Variants in SEMA4D observed in about 807,000 individuals in gnomAD.
SEMA4D encodes semaphorin-4D.
Under a neutral mutation model 74.8 loss-of-function variants are expected in SEMA4D, and 22 were observed. The ratio of observed to expected loss-of-function variants is 0.29; its 90% CI spans 0.21 to 0.42. The LOEUF is 0.42. SEMA4D is among the 10% of genes least tolerant of loss of function. The probability of loss-of-function intolerance (pLI) is 1.00; values close to 1 mark genes in which losing one functional copy is unlikely to be tolerated. For synonymous variants in SEMA4D, 445 were observed against 463.7 expected (o/e 0.96, Z 0.52); for missense variants, 937 against 1,118.4 (o/e 0.84, Z 2.31).
At chr9:89,442,572 C>CCT (rs1851906377) in intron 2 of SEMA4D, among the ~76,000 whole-genome samples, 1 of 152,128 alleles carries the variant, frequency 6.6e-6, no homozygotes, top group Admixed American at 6.5e-5. Context: ...TGGCCGGGGT[C>CCT]CTCTTCCTCT....
intron 1 of SEMA4D, among the ~76,000 whole-genome samples, chr9:89,487,275 A>G (rs1405148421): frequency 1.3e-5 from 2 of 151,978 alleles, no homozygotes; most frequent in Non-Finnish European, 2.9e-5. Flanking sequence ...TTTACAAACA[A>G]AAAATGAAAA....
At chr9:89,371,975 T>G (rs201513024) in intron 16 of SEMA4D, among the ~76,000 whole-genome samples, 278 of 2,484 alleles carry the variant, frequency 0.11, no homozygotes, top group African/African-American at 0.14. Context: ...TGGGGTGTGG[T>G]GTGTGTCTGG....
intron 2 of SEMA4D, among the ~76,000 whole-genome samples, chr9:89,415,834 A>G (rs9410479): frequency 0.33 from 50,424 of 152,128 alleles, 8,665 homozygotes; most frequent in Middle Eastern, 0.49. Context: ...GAACCCAGCC[A>G]GCAGAGATGC....
chr9:89,380,173 C>G (rs1836705520), intron 15 of SEMA4D, among the ~76,000 whole-genome samples: 1 of 152,034 alleles, frequency 6.6e-6, no homozygotes, highest in Admixed American at 6.5e-5. Context: ...GCTGGGACTA[C>G]AGGTGACCAC....
intron 12 of SEMA4D, 45 bp from the exon 13 acceptor site, chr9:89,386,527 G>A (rs1324590837): frequency 7.4e-7 from 1 of 1,358,710 alleles, no homozygotes. Context: ...CCCAGACACA[G>A]AAACCAAGGA....
intron 18 of SEMA4D, among the ~76,000 whole-genome samples, chr9:89,363,102 C>T (rs996072207): frequency 2.6e-5 from 4 of 152,144 alleles, no homozygotes; most frequent in Non-Finnish European, 5.9e-5. Flanking sequence ...AAAGGAGTGG[C>T]TGGCTGAGTG....
chr9:89,453,520 C>T (rs1221392246), intron 2 of SEMA4D, among the ~76,000 whole-genome samples: 2 of 152,358 alleles, frequency 1.3e-5, no homozygotes, highest in East Asian at 1.9e-4. Flanking sequence ...TGCTGGAAGG[C>T]GATGGCCCCC....
chr9:89,412,916 A>C (rs1467617790), intron 2 of SEMA4D, among the ~76,000 whole-genome samples: 1 of 152,188 alleles, frequency 6.6e-6, no homozygotes, highest in Non-Finnish European at 1.5e-5. Context: ...CAACTCACAC[A>C]GATCTGCCGG....
At chr9:89,480,345 G>C (rs1292008361) in intron 1 of SEMA4D, among the ~76,000 whole-genome samples, 3 of 152,286 alleles carry the variant, frequency 2.0e-5, no homozygotes, top group Non-Finnish European at 4.4e-5. Context: ...CAGGAGCCCA[G>C]CTGGTTTCAC....
At chr9:89,377,195 G>A (rs868794283), downstream of SEMA4D, 112 of 1,302,644 alleles carry the variant, frequency 8.6e-5, 2 homozygotes, top group Middle Eastern at 1.9e-3. Context: ...TGCAGGGGCG[G>A]GAGGCTGCAC....
intron 13 of SEMA4D, chr9:89,384,811 C>T (rs1049897095): frequency 2.8e-5 from 28 of 985,340 alleles, no homozygotes; most frequent in African/African-American, 1.4e-4. Flanking sequence ...TGGGGTCAGG[C>T]GGCACAGTCT....
downstream of SEMA4D, among the ~76,000 whole-genome samples, chr9:89,373,924 C>T (rs148900704): frequency 6.9e-3 from 1,045 of 152,346 alleles, 9 homozygotes; most frequent in African/African-American, 0.024. Context: ...CAGACCCCAA[C>T]AGAACCCTGG....
chr9:89,446,995 A>G (rs1853060280), intron 2 of SEMA4D, among the ~76,000 whole-genome samples: 1 of 152,080 alleles, frequency 6.6e-6, no homozygotes, highest in Admixed American at 6.5e-5. Context: ...AAATCCTGCC[A>G]TGTGTCCTAT....
chr9:89,429,453 C>A (rs528521547), intron 2 of SEMA4D, among the ~76,000 whole-genome samples: 1 of 152,272 alleles, frequency 6.6e-6, no homozygotes, highest in Non-Finnish European at 1.5e-5. Flanking sequence ...TTCCGGAAGT[C>A]ATATCAGTGT....
At chr9:89,391,666 T>G (rs1404739396) in intron 8 of SEMA4D, among the ~76,000 whole-genome samples, 2 of 152,216 alleles carry the variant, frequency 1.3e-5, no homozygotes, top group Non-Finnish European at 2.9e-5. Flanking sequence ...GGTTCTGCAG[T>G]GCATCCCACC....
At chr9:89,458,530 A>T (rs1354999135) in intron 1 of SEMA4D, among the ~76,000 whole-genome samples, 2 of 151,992 alleles carry the variant, frequency 1.3e-5, no homozygotes, top group Admixed American at 6.6e-5. Flanking sequence ...ACATGCATGC[A>T]TACATGCACA....
chr9:89,449,473 G>A (rs1249014049), intron 2 of SEMA4D: 1 of 705,072 alleles, frequency 1.4e-6, no homozygotes, highest in Non-Finnish European at 2.6e-6. Context: ...GAGGATCGAG[G>A]GAGCTCTGAC....
chr9:89,363,275 C>T (rs368390278), intron 18 of SEMA4D, among the ~76,000 whole-genome samples: 9 of 152,280 alleles, frequency 5.9e-5, no homozygotes, highest in South Asian at 2.1e-4. Flanking sequence ...TTTCCCCCCC[C>T]AGTGTTGCAG....
chr9:89,492,955 G>A lies in SEMA4D; in HGVS notation c.-310+4964C>T, dbSNP rs1481960725. Among the ~76,000 whole-genome samples the A allele has an allele frequency of 1.3e-5, 2 of 152,190 alleles. No individual in the cohort carries two copies. The highest frequency in any genetic ancestry group is 1.3e-4 in the Admixed American group (2 of 15,286). ...TCTCAACAAACCACTGGCCCCTTAA[G>A]CGGCTGGACCTAGAACTATCTATCT... On this transcript the variant is annotated intron_variant, in intron 1 of 15. Coordinates refer to ENST00000422704, the MANE Select transcript of SEMA4D (RefSeq NM_001371194.2). This position sits in a 1 kb window ranked among gnomAD's most constrained non-coding sequence, Gnocchi z 4.3.
Sources: allele counts gnomAD v4.1 joint callset (sites outside exome capture counted in the v4.1 genomes callset), GRCh38; gene constraint gnomAD v4.1.1; non-coding constraint Gnocchi (gnomAD v3.1); transcripts MANE v1.5; gene names NCBI Gene and HGNC (gene_info 2026-07-23, HGNC 2026-07-21).